Variants in GRPEL2 observed in about 807,000 individuals in gnomAD.
GRPEL2 encodes the protein GrpE like 2, mitochondrial.
Under a neutral mutation model 25.9 loss-of-function variants are expected in GRPEL2, and 18 were observed. The observed-to-expected ratio is 0.70, with a 90% CI of 0.48 to 1.03. The LOEUF (loss-of-function observed/expected upper bound fraction) is 1.03. Ranked by LOEUF, GRPEL2 falls within the 50% of genes least tolerant of loss-of-function variation. The probability of loss-of-function intolerance (pLI) is 0.00; values close to 1 mark genes in which losing one functional copy is unlikely to be tolerated. For missense variants in GRPEL2, 247 were observed against 276.2 expected, an observed-to-expected ratio of 0.89 and a Z score of 0.75; for synonymous variants, 106 against 107.9, an observed-to-expected ratio of 0.98 and a Z score of 0.11.
rs1325750701 is a variant in GRPEL2, at chr5:149,351,040, G to A, written c.436G>A (p.Gly146Arg). The A allele has an allele frequency of 1.2e-6, 2 of 1,614,102 alleles. No individual in the cohort carries two copies. The highest frequency in any genetic ancestry group is 1.3e-5 in the African/African-American group (1 of 74,928). ...QKLTLEKVFR[G>R]LLLLEAKLKS... ...GCTCACTCTGGAGAAGGTCTTCCGA[G>A]GGTTGTTGCTTTTAGAAGCAAAGCT... The change falls in exon 4 of 4, where the codon GGG becomes AGG. Residue 146 changes from glycine to arginine, a missense_variant. Coordinates refer to ENST00000329271, the MANE Select transcript of GRPEL2 (RefSeq NM_152407.4).
chr5:149,347,640 G>A (rs531255081), intron 1 of GRPEL2, among the ~76,000 whole-genome samples: 3 of 152,142 alleles, frequency 2.0e-5, no homozygotes, highest in African/African-American at 4.8e-5. Flanking sequence ...TCTATTCACC[G>A]GCAGTAACAT....
At chr5:149,346,239 G>A (rs1312937911) in intron 1 of GRPEL2, among the ~76,000 whole-genome samples, 4 of 152,222 alleles carry the variant, frequency 2.6e-5, no homozygotes, top group African/African-American at 9.6e-5. Flanking sequence ...AACCCGGGCT[G>A]GAAACCAGTC....
intron 1 of GRPEL2, chr5:149,348,034 CTG>C (rs1481310657): frequency 5.2e-6 from 2 of 382,694 alleles, no homozygotes; most frequent in African/African-American, 4.2e-5. Context: ...GTTTTCTCAT[CTG>C]TAAAATAGGG....
rs767019446 is a variant in GRPEL2 at position 149,348,397 on chromosome 5, A to C, written c.203A>C (p.Lys68Thr). ...CGAGCCTTAAGGGTAAAAGCTGTTAAACTGGAGAAAGAAGTCCAAGATTTA... is the reference window on the plus strand; with the variant it reads ...CGAGCCTTAAGGGTAAAAGCTGTTACACTGGAGAAAGAAGTCCAAGATTTA... ...AERALRVKAV[K>T]LEKEVQDLTV... Residue 68 changes from lysine (K) to threonine (T), a missense_variant, in exon 2 of 4, where the codon AAA becomes ACA. By Grantham distance (78) the Lys-to-Thr change is moderately conservative. Transcript: ENST00000329271. 8.1e-6 allele frequency: 13 copies of C among 1,611,058 alleles called. No individual in the cohort carries two copies. The South Asian group carries it at 1.3e-4, about 16-fold the overall frequency.
chr5:149,350,375 C>T lies in GRPEL2; in HGVS notation c.314-543C>T, dbSNP rs577743603. ...TCTAGCAACTTCATAGCCAACTTACCTCATCTATGGCTGTGTCTTACTTTC... is the reference window on the plus strand; with the variant it reads ...TCTAGCAACTTCATAGCCAACTTACTTCATCTATGGCTGTGTCTTACTTTC... On this transcript the variant is annotated intron_variant, in intron 3 of 3. Coordinates refer to ENST00000329271, the MANE Select transcript of GRPEL2 (RefSeq NM_152407.4). Among the ~76,000 whole-genome samples the T allele has an allele frequency of 5.1e-4, 78 of 152,338 alleles. 1 individual carries two copies. The highest frequency in any genetic ancestry group is 1.8e-3 in the African/African-American group (74 of 41,568).
In GRPEL2 at chr5:149,351,013, A is replaced by G. The variant is rs1368596595; in HGVS notation, c.409A>G (p.Lys137Glu). The G allele has an allele frequency of 1.9e-6, 3 of 1,614,096 alleles. No individual in the cohort carries two copies. Among genetic ancestry groups the G allele is most frequent in the Non-Finnish European group, 2.5e-6 (3 of 1,180,048 alleles). Residue 137 changes from lysine (K) to glutamate (E), a missense_variant, in exon 4 of 4, where the codon AAG (lysine) becomes GAG (glutamate). By Grantham distance (56) the Lys-to-Glu change is moderately conservative. This residue lies in a region of GRPEL2 where 122 missense variants were observed against 169.2 expected (regional missense o/e 0.72). Coordinates refer to ENST00000329271, the MANE Select transcript of GRPEL2 (RefSeq NM_152407.4). Reference protein sequence around the residue: ...ISEESEPEDQKLTLEKVFRGL... With the variant: ...ISEESEPEDQELTLEKVFRGL... ...TGAAGAATCGGAGCCTGAGGACCAA[A>G]AGCTCACTCTGGAGAAGGTCTTCCG... is the stretch of plus-strand genomic sequence containing the variant.
At chr5:149,347,406 C>CAAGATAATTTT (rs1409326355) in intron 1 of GRPEL2, among the ~76,000 whole-genome samples, 34 of 152,288 alleles carry the variant, frequency 2.2e-4, no homozygotes, top group African/African-American at 6.7e-4. Flanking sequence ...GATTGATTTT[C>CAAGATAATTTT]AAGATAATTT....
chr5:149,349,992 C>T (rs1457051617), intron 3 of GRPEL2: 2 of 532,010 alleles, frequency 3.8e-6, no homozygotes, highest in Non-Finnish European at 3.3e-6. Context: ...TGCAGTAAGC[C>T]AGGATCATGC....
rs929904641 is a variant in GRPEL2 at position 149,349,491 on chromosome 5, G to A, written c.232-163G>A. Among the ~76,000 whole-genome samples the A allele has an allele frequency of 3.3e-5, 5 of 152,318 alleles. No individual in the cohort carries two copies. In the South Asian group the frequency reaches 6.2e-4, roughly 19 times the overall value. On this transcript the variant is annotated intron_variant, in intron 2 of 3. Coordinates refer to ENST00000329271, the MANE Select transcript of GRPEL2 (RefSeq NM_152407.4). ...GTGCTGCTAAAGAGTGGGTTTCTGC[G>A]TTGACTGGGGATTTGGAGTAGCTGA...
intron 3 of GRPEL2, chr5:149,349,972 A>G (rs1465459523): frequency 1.8e-6 from 1 of 545,290 alleles, no homozygotes; most frequent in African/African-American, 2.0e-5. Flanking sequence ...TGAACCCAGG[A>G]GGCAGAGGTT....
At chr5:149,347,891 T>C (rs1036919346) in intron 1 of GRPEL2, among the ~76,000 whole-genome samples, 1 of 152,218 alleles carries the variant, frequency 6.6e-6, no homozygotes, top group Non-Finnish European at 1.5e-5. Flanking sequence ...TACTAGCATT[T>C]GGTTTCCTTA....
chr5:149,350,429 T>G (rs1489192876), intron 3 of GRPEL2, among the ~76,000 whole-genome samples: 1 of 152,210 alleles, frequency 6.6e-6, no homozygotes, highest in Non-Finnish European at 1.5e-5. Context: ...TCCTCAAGAA[T>G]AAACCATTCA....
rs1476206814 is a variant in GRPEL2, at chr5:149,354,305, C to CT, written c.*3024dup. 1.3e-5 allele frequency: 2 copies of CT among 152,188 alleles called. No individual in the cohort carries two copies. Among genetic ancestry groups the CT allele is most frequent in the Non-Finnish European group, 2.9e-5 (2 of 68,040 alleles). 9.4% of individuals were successfully genotyped at this position (152,188 alleles called of 1,614,324 possible). On this transcript the variant is annotated 3_prime_UTR_variant, in exon 4 of 4. Transcript: ENST00000329271. ...GATACTAAGGAAGCTTTGGCTCACT[C>CT]TCACTTGAAGAGGGGATCTTGGTGT...
In GRPEL2 at chr5:149,351,280, T is replaced by C. The variant is rs890209756; in HGVS notation, c.676T>C (p.Ter226ArgextTer23). The change falls in exon 4 of 4, where the codon TGA becomes CGA. Residue 226 changes from the stop codon to arginine, a stop_lost. Transcript: ENST00000329271. Reference protein sequence around the residue: ...EVAVESQRRL* With the variant: ...EVAVESQRRLR ...GGCAGTGGAGTCTCAGAGAAGACTG[T>C]GAAGAGGCCATCAGGAACTGGATGT... The C allele has an allele frequency of 6.2e-7, 1 of 1,603,444 alleles. No homozygotes were observed. The highest frequency in any genetic ancestry group is 8.5e-7 in the Non-Finnish European group (1 of 1,172,310).
intron 2 of GRPEL2, among the ~76,000 whole-genome samples, chr5:149,348,994 A>T (rs990105136): frequency 2.0e-5 from 3 of 151,464 alleles, no homozygotes; most frequent in African/African-American, 7.3e-5. Context: ...TAGATGACAT[A>T]CTTTTTTTTT....
chr5:149,348,068 C>T (rs980343919), intron 1 of GRPEL2: 2 of 504,788 alleles, frequency 4.0e-6, no homozygotes, highest in African/African-American at 2.0e-5. Flanking sequence ...ACTTATCTCA[C>T]ATATTGTTGT....
At chr5:149,347,020 C>T (rs572101012) in intron 1 of GRPEL2, among the ~76,000 whole-genome samples, 18 of 152,094 alleles carry the variant, frequency 1.2e-4, no homozygotes, top group Non-Finnish European at 1.8e-4. Context: ...CCACCGCGCC[C>T]GGCCCCTGAG....
Position 149,345,562 on chromosome 5 carries a change from C to T in GRPEL2, c.23C>T (p.Ala8Val), listed in dbSNP as rs753862372. 114 of 1,611,738 alleles carry T rather than the reference C, an allele frequency of 7.1e-5. No homozygotes were observed. Among genetic ancestry groups the T allele is most frequent in the Non-Finnish European group, 9.4e-5 (111 of 1,179,270 alleles). Residue 8 changes from alanine (A) to valine (V), a missense_variant, in exon 1 of 4, where the codon GCG becomes GTG. Coordinates refer to ENST00000329271, the MANE Select transcript of GRPEL2 (RefSeq NM_152407.4). MAVRSLW[A>V]GRLRVQRLLA... is the part of the protein sequence containing the mutation. ...AACATGGCCGTACGGTCGCTGTGGG[C>T]GGGCCGGCTGCGGGTGCAGCGCCTA... is the stretch of plus-strand genomic sequence containing the variant.
At chr5:149,347,350 A>G (rs906848492) in intron 1 of GRPEL2, among the ~76,000 whole-genome samples, 1 of 152,192 alleles carries the variant, frequency 6.6e-6, no homozygotes, top group African/African-American at 2.4e-5. Flanking sequence ...ACTCTACAGT[A>G]TATGCCAGTC....
Sources: gnomAD v4.1 joint callset for allele counts (sites outside exome capture counted in the v4.1 genomes callset) on GRCh38, gnomAD v4.1.1 for gene constraint, gnomAD v4.1.1 regional missense constraint, MANE v1.5 for transcripts, NCBI Gene and HGNC (gene_info 2026-07-23, HGNC 2026-07-21) for gene names.